The following EPB41L5 variants were observed in gnomAD, a reference collection of about 807,000 sequenced individuals.
EPB41L5 encodes erythrocyte membrane protein band 4.1 like 5, also known as band 4.1-like protein 5.
Under a neutral mutation model 106.6 loss-of-function variants are expected in EPB41L5, and 55 were observed. The observed-to-expected ratio is 0.52, with a 90% CI of 0.42 to 0.65. The LOEUF (loss-of-function observed/expected upper bound fraction) is 0.65. Among genes scored for constraint, EPB41L5 ranks in the 30% least tolerant of loss-of-function variants. The probability of loss-of-function intolerance (pLI) is 0.00; values close to 1 mark genes in which losing one functional copy is unlikely to be tolerated. For missense variants in EPB41L5, 871 were observed against 882.1 expected, an observed-to-expected ratio of 0.99 and a Z score of 0.16; for synonymous variants, 297 against 306.7, an observed-to-expected ratio of 0.97 and a Z score of 0.33.
At chr2:120,051,661 C>T (rs773914475) in intron 3 of EPB41L5, among the ~76,000 whole-genome samples, 6 of 152,196 alleles carry the variant, frequency 3.9e-5, no homozygotes, top group Admixed American at 1.3e-4. Context: ...GGCGATGCCT[C>T]GCCCTGCTTT....
At chr2:120,098,172 G>GTGTGTGTGTGTGTGTT (rs1683889045) in intron 14 of EPB41L5, among the ~76,000 whole-genome samples, 1 of 151,220 alleles carries the variant, frequency 6.6e-6, no homozygotes, top group Admixed American at 6.6e-5. Context: ...GTGTGTGTGT[G>GTGTGTGTGTGTGTGTT]TGTGTGTGTG....
chr2:120,093,291 G>A lies in EPB41L5; in HGVS notation c.1178+15G>A, dbSNP rs753806881. On this transcript the variant is annotated intron_variant, in intron 14 of 24. Transcript: ENST00000263713. The stretch of plus-strand genomic sequence containing the variant: ...GAAGAACTTAGGTAAGTAATGTTTT[G>A]CAACTTAGGAATTGGTATAGAATTT... 2.2e-5 allele frequency: 36 copies of A among 1,610,276 alleles called. No individual in the cohort carries two copies. The highest frequency in any genetic ancestry group is 3.0e-5 in the Non-Finnish European group (35 of 1,176,778).
intron 20 of EPB41L5, among the ~76,000 whole-genome samples, chr2:120,153,417 G>A (rs1184273525): frequency 1.3e-5 from 2 of 152,084 alleles, no homozygotes; most frequent in African/African-American, 4.8e-5. Flanking sequence ...GTCTAGTAGA[G>A]AATGTTTTGT....
At chr2:120,049,164 G>C (rs1054385225) in intron 3 of EPB41L5, among the ~76,000 whole-genome samples, 1 of 152,198 alleles carries the variant, frequency 6.6e-6, no homozygotes, top group Admixed American at 6.5e-5. Context: ...GAGTTCTGCA[G>C]ATATCTATTA....
chr2:120,153,915 A>G (rs1471296624), intron 20 of EPB41L5, among the ~76,000 whole-genome samples: 1 of 152,202 alleles, frequency 6.6e-6, no homozygotes, highest in Non-Finnish European at 1.5e-5. Context: ...TAGATAACAT[A>G]CAGATGGATC....
At chr2:120,135,531 A>G (rs1029620943) in intron 18 of EPB41L5, among the ~76,000 whole-genome samples, 2 of 152,154 alleles carry the variant, frequency 1.3e-5, no homozygotes, top group Admixed American at 6.5e-5. Context: ...AAAGAATCCT[A>G]AAAACAGCAA....
At chr2:120,099,188 A>G (rs1255134387) in intron 14 of EPB41L5, among the ~76,000 whole-genome samples, 3 of 152,074 alleles carry the variant, frequency 2.0e-5, no homozygotes, top group Non-Finnish European at 4.4e-5. Flanking sequence ...ATTATTTTTT[A>G]CATTAGTTGA....
At chr2:120,141,547 A>C (rs1054855581) in intron 18 of EPB41L5, among the ~76,000 whole-genome samples, 1 of 152,148 alleles carries the variant, frequency 6.6e-6, no homozygotes, top group African/African-American at 2.4e-5. Context: ...AGTATGAATC[A>C]GCTGCCAAAG....
At chr2:120,075,814 A>G (rs1392723676) in intron 7 of EPB41L5, 61 bp downstream of exon 7, 5 of 1,307,200 alleles carry the variant, frequency 3.8e-6, no homozygotes, top group Non-Finnish European at 5.5e-6. Context: ...GTGTGTTTTT[A>G]GTTAAAGAAG....
At chr2:120,036,178 A>G (rs1679027026) in intron 2 of EPB41L5, among the ~76,000 whole-genome samples, 1 of 152,210 alleles carries the variant, frequency 6.6e-6, no homozygotes, top group Non-Finnish European at 1.5e-5. Context: ...TATCCTTAAA[A>G]TTCCCTTACC....
Position 120,019,237 on chromosome 2 carries a change from T to G in EPB41L5, c.153T>G (p.Asp51Glu). The G allele has an allele frequency of 5.6e-6, 9 of 1,611,886 alleles. No individual in the cohort carries two copies. The highest frequency in any genetic ancestry group is 7.6e-6 in the Non-Finnish European group (9 of 1,179,534). Reference protein sequence around the residue: ...SIITCRVSLLDGTDVSVDLPK... With the variant: ...SIITCRVSLLEGTDVSVDLPK... Reference sequence around the variant, plus strand: ...TCACGTGTCGGGTGTCCCTTCTGGATGGTACTGATGTTAGTGTGGACTTGC... The same window carrying G: ...TCACGTGTCGGGTGTCCCTTCTGGAGGGTACTGATGTTAGTGTGGACTTGC... The change falls in exon 2 of 25, where the codon GAT becomes GAG. Residue 51 changes from aspartate to glutamate, a missense_variant. By Grantham distance (45) the Asp-to-Glu change is conservative. Coordinates refer to ENST00000263713, the MANE Select transcript of EPB41L5 (RefSeq NM_020909.4).
intron 17 of EPB41L5, among the ~76,000 whole-genome samples, chr2:120,130,492 T>C (rs959951275): frequency 1.8e-4 from 27 of 152,220 alleles, no homozygotes; most frequent in African/African-American, 6.0e-4. Flanking sequence ...TTGGACAAAA[T>C]AGTATAGCAG....
intron 21 of EPB41L5, 23 bp downstream of exon 21, chr2:120,160,997 A>T: frequency 6.3e-7 from 1 of 1,593,822 alleles, no homozygotes; most frequent in Non-Finnish European, 8.6e-7. Flanking sequence ...TTACTTCTTA[A>T]AATTTTTGCC....
chr2:120,087,133 G>T, intron 10 of EPB41L5, 38 bp from the exon 11 acceptor site: 1 of 1,250,970 alleles, frequency 8.0e-7, no homozygotes, highest in Non-Finnish European at 1.1e-6. Context: ...GAGAACATTT[G>T]TTTGTAATTT....
intron 16 of EPB41L5, chr2:120,105,551 AACTG>A (rs1057097006): frequency 1.8e-5 from 18 of 985,138 alleles, no homozygotes; most frequent in Non-Finnish European, 1.9e-5. Flanking sequence ...AAATAAGCAG[AACTG>A]ACTAATATTT....
intron 21 of EPB41L5, among the ~76,000 whole-genome samples, chr2:120,162,498 G>A (rs368048268): frequency 6.6e-6 from 1 of 152,274 alleles, no homozygotes. Flanking sequence ...AGGTATATAA[G>A]TATCTTTCAG....
intron 14 of EPB41L5, among the ~76,000 whole-genome samples, chr2:120,095,921 C>T (rs577348923): frequency 1.2e-4 from 19 of 152,178 alleles, no homozygotes; most frequent in Admixed American, 2.6e-4. Context: ...CCGCCTGTCT[C>T]GGCCTCCCAA....
intron 20 of EPB41L5, among the ~76,000 whole-genome samples, chr2:120,154,664 C>T (rs546804424): frequency 1.6e-4 from 24 of 151,904 alleles, no homozygotes; most frequent in East Asian, 1.4e-3. Flanking sequence ...TGGTGGCTCA[C>T]GCCTGTAATC....
chr2:120,099,364 G>A (rs1384938235), intron 14 of EPB41L5, among the ~76,000 whole-genome samples: 1 of 148,468 alleles, frequency 6.7e-6, no homozygotes, highest in African/African-American at 2.5e-5. Context: ...TTGTATTATA[G>A]GTTGAGGGTT....
Sources: gnomAD v4.1 joint callset for allele counts (sites outside exome capture counted in the v4.1 genomes callset) on GRCh38, gnomAD v4.1.1 for gene constraint, MANE v1.5 for transcripts, NCBI Gene and HGNC (gene_info 2026-07-23, HGNC 2026-07-21) for gene names.